The following TUSC3 variants were observed in gnomAD, a reference collection of about 807,000 sequenced individuals.
The protein encoded by TUSC3 is dolichyl-diphosphooligosaccharide--protein glycosyltransferase subunit TUSC3.
Under a neutral mutation model 44.8 loss-of-function variants are expected in TUSC3, and 45 were observed. That is an observed-to-expected ratio of 1.00 (90% CI 0.79 to 1.29). The LOEUF (loss-of-function observed/expected upper bound fraction) is 1.29. TUSC3 is among the 50% of genes most tolerant of loss of function. The probability of loss-of-function intolerance (pLI) is 0.00; values close to 1 mark genes in which losing one functional copy is unlikely to be tolerated. For synonymous variants in TUSC3, 212 were observed against 152.9 expected, an observed-to-expected ratio of 1.39 and a Z score of -2.85; for missense variants, 519 against 437.9, an observed-to-expected ratio of 1.19 and a Z score of -1.65.
At chr8:15,729,993 T>A (rs1270794959) in intron 6 of TUSC3, among the ~76,000 whole-genome samples, 1 of 152,022 alleles carries the variant, frequency 6.6e-6, no homozygotes, top group Non-Finnish European at 1.5e-5. Flanking sequence ...CCAGTTTTTT[T>A]ATATAAATAG....
chr8:15,623,330 A>G lies in TUSC3; in HGVS notation c.308+81A>G, dbSNP rs1009189089. Reference sequence around the variant, plus strand: ...TTTTTATGTTCATTTTAAGATAAATATATGTAAGATAAACAGTTGTTTAAT... The same window carrying G: ...TTTTTATGTTCATTTTAAGATAAATGTATGTAAGATAAACAGTTGTTTAAT... On this transcript the variant is annotated intron_variant, in intron 2 of 10. Coordinates refer to ENST00000503731, the MANE Select transcript of TUSC3 (RefSeq NM_006765.4). The G allele has an allele frequency of 6.7e-6, 9 of 1,334,692 alleles. No homozygotes were observed. In the African/African-American group the frequency reaches 8.9e-5, roughly 13 times the overall value. 82.7% of individuals were successfully genotyped at this position (1,334,692 alleles called of 1,614,324 possible).
intron 1 of TUSC3, among the ~76,000 whole-genome samples, chr8:15,458,836 T>C (rs1800300062): frequency 6.6e-6 from 1 of 152,166 alleles, no homozygotes; most frequent in Non-Finnish European, 1.5e-5. Context: ...CTAAGTTATA[T>C]TGAAAAAGCT....
At chr8:15,726,091 C>G (rs1350857521) in intron 6 of TUSC3, among the ~76,000 whole-genome samples, 1 of 152,078 alleles carries the variant, frequency 6.6e-6, no homozygotes, top group African/African-American at 2.4e-5. Context: ...GAGTATTTAC[C>G]ACTAGCACAA....
At chr8:15,828,868 T>A in the TUSC3 span, among the ~76,000 whole-genome samples, 1 of 152,166 alleles carries the variant, frequency 6.6e-6, no homozygotes, top group Non-Finnish European at 1.5e-5. Context: ...ATTTGTTTCG[T>A]CACTGGAGGA....
At chr8:15,581,572 C>T (rs1395103840) in intron 1 of TUSC3, among the ~76,000 whole-genome samples, 2 of 148,686 alleles carry the variant, frequency 1.3e-5, no homozygotes, top group Admixed American at 1.3e-4. Context: ...TTGGAATACC[C>T]TGCAGTGTGA....
intron 6 of TUSC3, among the ~76,000 whole-genome samples, chr8:15,717,537 C>CT (rs940850491): frequency 2.6e-5 from 4 of 152,016 alleles, no homozygotes; most frequent in Admixed American, 2.6e-4. Context: ...TATTAATTTC[C>CT]TTGTCACACT....
intron 1 of TUSC3, among the ~76,000 whole-genome samples, chr8:15,543,406 C>T (rs935813444): frequency 1.3e-5 from 2 of 152,040 alleles, no homozygotes; most frequent in Non-Finnish European, 2.9e-5. Flanking sequence ...AGTAATACCA[C>T]CATGGATGGA....
At chr8:15,476,903 T>G (rs1310190703) in intron 1 of TUSC3, among the ~76,000 whole-genome samples, 2 of 152,214 alleles carry the variant, frequency 1.3e-5, no homozygotes, top group Admixed American at 1.3e-4. Flanking sequence ...GGTTACACCC[T>G]ATGCAAACAT....
chr8:15,520,255 A>G (rs1298327174), intron 2 of TUSC3, among the ~76,000 whole-genome samples: 8 of 152,216 alleles, frequency 5.3e-5, no homozygotes, highest in Admixed American at 5.2e-4. Context: ...TGATTTTTTA[A>G]GGATATAGAT....
chr8:15,671,053 G>A (rs916023660), intron 5 of TUSC3, among the ~76,000 whole-genome samples: 2 of 151,940 alleles, frequency 1.3e-5, no homozygotes, highest in African/African-American at 4.8e-5. Context: ...GGTAAAGATG[G>A]ATATCAAGTG....
chr8:15,840,421 T>C, the TUSC3 span, among the ~76,000 whole-genome samples: 1 of 151,394 alleles, frequency 6.6e-6, no homozygotes, highest in Non-Finnish European at 1.5e-5. Context: ...ACACAAAAAC[T>C]CAGGAGCAGA....
intron 6 of TUSC3, among the ~76,000 whole-genome samples, chr8:15,723,440 G>T (rs79347283): frequency 8.1e-4 from 124 of 152,254 alleles, no homozygotes; most frequent in African/African-American, 2.8e-3. Context: ...AAGTGCTTAG[G>T]AATTTCAAGC....
chr8:15,741,838 C>T (rs1165165200), intron 7 of TUSC3, among the ~76,000 whole-genome samples: 1 of 151,930 alleles, frequency 6.6e-6, no homozygotes, highest in African/African-American at 2.4e-5. Context: ...AAAGGGGAAA[C>T]TTAGTAACTC....
At chr8:15,758,919 T>C (rs1232753574) in intron 10 of TUSC3, among the ~76,000 whole-genome samples, 1 of 152,166 alleles carries the variant, frequency 6.6e-6, no homozygotes, top group African/African-American at 2.4e-5. Context: ...GGCCTAGATT[T>C]CTTTAGGCCT....
the TUSC3 span, among the ~76,000 whole-genome samples, chr8:15,850,896 C>G: frequency 6.6e-6 from 1 of 152,296 alleles, no homozygotes; most frequent in East Asian, 1.9e-4. Context: ...TTCCTGTTCT[C>G]TGTGTCTCTA....
chr8:15,572,466 C>A (rs571380138), intron 1 of TUSC3, among the ~76,000 whole-genome samples: 1 of 152,262 alleles, frequency 6.6e-6, no homozygotes, highest in East Asian at 1.9e-4. Context: ...ACTATTTAAA[C>A]TTTCTCTGTA....
intron 2 of TUSC3, among the ~76,000 whole-genome samples, chr8:15,494,118 T>C (rs1246724037): frequency 6.6e-6 from 1 of 152,228 alleles, no homozygotes; most frequent in Non-Finnish European, 1.5e-5. Context: ...CTGCTGCTGC[T>C]ATTGTCCTCA....
At chr8:15,754,309 C>G (rs903635128) in intron 9 of TUSC3, among the ~76,000 whole-genome samples, 1 of 134,528 alleles carries the variant, frequency 7.4e-6, no homozygotes, top group African/African-American at 2.6e-5. Context: ...AAGAGCTGAA[C>G]CACTCCAACC....
chr8:15,465,079 A>T (rs993288189), intron 1 of TUSC3, among the ~76,000 whole-genome samples: 1 of 152,086 alleles, frequency 6.6e-6, no homozygotes, highest in African/African-American at 2.4e-5. Flanking sequence ...TGAACTCCTG[A>T]CCTCGTGATC....
Sources: allele counts gnomAD v4.1 joint callset (sites outside exome capture counted in the v4.1 genomes callset), GRCh38; gene constraint gnomAD v4.1.1; transcripts MANE v1.5; gene names NCBI Gene and HGNC (gene_info 2026-07-23, HGNC 2026-07-21).